Variants in POM121 observed in about 807,000 individuals in gnomAD.
POM121 encodes the protein nuclear envelope pore membrane protein POM 121.
Under a neutral mutation model 81.3 loss-of-function variants are expected in POM121, and 32 were observed. That is an observed-to-expected ratio of 0.39 (90% CI 0.30 to 0.53). The LOEUF (loss-of-function observed/expected upper bound fraction) is 0.53, where lower values mean the gene tolerates loss of function less well. Among genes scored for constraint, POM121 ranks in the 20% least tolerant of loss-of-function variants. The pLI is 0.66. For missense variants in POM121, 1,138 were observed against 1,614.6 expected, an observed-to-expected ratio of 0.70 and a Z score of 5.06; for synonymous variants, 514 against 694.2, an observed-to-expected ratio of 0.74 and a Z score of 4.08.
At chr7:72,884,745 G>T (rs1790539749) in intron 1 of POM121, among the ~76,000 whole-genome samples, 2 of 149,300 alleles carry the variant, frequency 1.3e-5, no homozygotes, top group South Asian at 4.2e-4. Flanking sequence ...ATATACGTGT[G>T]TGTATATATA....
intron 11 of POM121, among the ~76,000 whole-genome samples, chr7:72,944,411 A>T (rs1283666597): frequency 1.3e-5 from 2 of 151,936 alleles, no homozygotes; most frequent in African/African-American, 4.8e-5. Flanking sequence ...TAAAGTGTAT[A>T]AAAAAAGGGG....
Position 72,948,132 on chromosome 7 carries a change from A to C in POM121, c.*1898A>C, listed in dbSNP as rs2695383. On this transcript the variant is annotated 3_prime_UTR_variant, in exon 13 of 13. Transcript: ENST00000434423. ...GCCGGTCCGGGAACCCTGAGTGAGA[A>C]TGAGTGTGGATGTGTACAGTACACG... The C allele has an allele frequency of 3.6e-6, 5 of 1,402,450 alleles. No homozygotes were observed. The highest frequency in any genetic ancestry group is 2.6e-5 in the East Asian group (1 of 37,994). 86.9% of individuals were successfully genotyped at this position (1,402,450 alleles called of 1,614,324 possible).
chr7:72,929,419 A>G (rs1427570760), intron 4 of POM121, among the ~76,000 whole-genome samples: 19 of 152,364 alleles, frequency 1.2e-4, no homozygotes, highest in African/African-American at 4.3e-4. Flanking sequence ...ACTGTCCTAC[A>G]GAAAAGATGC....
chr7:72,930,276 G>A (rs1219155348), intron 5 of POM121, among the ~76,000 whole-genome samples, 165 bp downstream of exon 5: 4 of 152,186 alleles, frequency 2.6e-5, no homozygotes, highest in Non-Finnish European at 5.9e-5. Flanking sequence ...GCAATATAGT[G>A]AAACCTTGTC....
chr7:72,928,291 A>G (rs1795669407), intron 3 of POM121, 94 bp from the exon 4 acceptor site: 1 of 1,501,940 alleles, frequency 6.7e-7, no homozygotes, highest in Non-Finnish European at 9.2e-7. Context: ...TGTGCTCCAT[A>G]GAGATAGTAT....
chr7:72,891,276 T>C (rs1355029037), intron 3 of POM121, among the ~76,000 whole-genome samples: 1 of 152,154 alleles, frequency 6.6e-6, no homozygotes, highest in African/African-American at 2.4e-5. Context: ...ATTTTATATT[T>C]GATTTACATT....
chr7:72,928,520 A>G (rs1586155396), intron 4 of POM121, 55 bp downstream of exon 4: 1 of 1,573,648 alleles, frequency 6.4e-7, no homozygotes, highest in Admixed American at 1.7e-5. Flanking sequence ...AGGCCTGATC[A>G]GAGCTGTTGC....
At chr7:72,926,599 A>C (rs1349832347) in intron 2 of POM121, 122 bp downstream of exon 2, 22 of 1,515,652 alleles carry the variant, frequency 1.5e-5, no homozygotes, top group Non-Finnish European at 1.9e-5. Flanking sequence ...TTGATGAGAA[A>C]TACCAAATTC....
In POM121 at chr7:72,900,098, A is replaced by G. The variant is rs1312554688; in HGVS notation, c.-216+8988A>G. ...GTTGTGCCCTGTAGAATTATTTTTT[A>G]AAAGCTCACTAGGTGCTTCTGATTT... is the stretch of plus-strand genomic sequence containing the variant. On this transcript the variant is annotated intron_variant, in intron 3 of 15. Transcript: ENST00000395270. 2.0e-5 allele frequency among the ~76,000 whole-genome samples: 3 copies of G among 152,328 alleles called. No individual in the cohort carries two copies. In the East Asian group the frequency reaches 5.8e-4, roughly 29 times the overall value.
At chr7:72,886,187 AT>A (rs1423132316) in intron 1 of POM121, among the ~76,000 whole-genome samples, 1 of 151,022 alleles carries the variant, frequency 6.6e-6, no homozygotes. Context: ...TTATTTATTT[AT>A]TTTGAGACAG....
In POM121 at chr7:72,925,727, C is replaced by A; in HGVS notation, c.606C>A (p.Pro202=). 1.5e-6 allele frequency: 2 copies of A among 1,318,370 alleles called. No individual in the cohort carries two copies. The highest frequency in any genetic ancestry group is 1.9e-6 in the Non-Finnish European group (2 of 1,032,918). 81.7% of individuals were successfully genotyped at this position (1,318,370 alleles called of 1,614,324 possible). ...CTCACCACGTTTACCCCTCTCTGCCCACTCCTCTTCTCCGACCCTCCAGGA... is the reference window on the plus strand; with the variant it reads ...CTCACCACGTTTACCCCTCTCTGCCAACTCCTCTTCTCCGACCCTCCAGGA... ...HRAHHVYPSL[P]TPLLRPSRRP... Residue 202 remains proline (P), a synonymous_variant, in exon 1 of 13, where the codon CCC becomes CCA. Coordinates refer to ENST00000434423, the MANE Select transcript of POM121 (RefSeq NM_001387691.1).
In POM121 at chr7:72,939,940, C is replaced by T. The variant is rs1554500500; in HGVS notation, c.1535C>T (p.Pro512Leu). 1 of 1,607,228 alleles carries T rather than the reference C, an allele frequency of 6.2e-7. No homozygotes were observed. Residue 512 changes from proline to leucine, a missense_variant, in exon 8 of 13, where the codon CCT becomes CTT. Physicochemically the swap from Pro to Leu is moderately conservative, Grantham distance 98 (BLOSUM62 -3). Transcript: ENST00000434423. ...GQRKRKVQLL[P>L]SRRGEQLTLP... ...CGTAAGCGGAAAGTTCAGCTGCTGC[C>T]TTCTCGGCGAGGGGAACAGCTGACC...
upstream of POM121, chr7:72,924,935 A>T (rs1486567566): frequency 9.3e-7 from 1 of 1,077,860 alleles, no homozygotes; most frequent in African/African-American, 1.7e-5. Context: ...CCACGCGGAA[A>T]ACCTCAAGAG....
chr7:72,906,310 C>A (rs1218881660), intron 3 of POM121, among the ~76,000 whole-genome samples: 1 of 152,188 alleles, frequency 6.6e-6, no homozygotes, highest in Non-Finnish European at 1.5e-5. Flanking sequence ...ACCCATCGGA[C>A]CCACCAAGGT....
chr7:72,927,547 T>TA (rs1554497798), intron 3 of POM121, among the ~76,000 whole-genome samples: 1 of 151,804 alleles, frequency 6.6e-6, no homozygotes, highest in Non-Finnish European at 1.5e-5. Context: ...CCATCTCTAC[T>TA]AAAAATTCAA....
chr7:72,943,126 T>G lies in POM121; in HGVS notation c.3133T>G (p.Ser1045Ala), dbSNP rs1404984284. The G allele has an allele frequency of 6.2e-7, 1 of 1,612,988 alleles. No individual in the cohort carries two copies. The highest frequency in any genetic ancestry group is 1.3e-5 in the African/African-American group (1 of 74,926). The change falls in exon 11 of 13, where the codon TCG (serine) becomes GCG (alanine). Residue 1045 changes from serine to alanine, a missense_variant. Transcript: ENST00000434423. Reference protein sequence around the residue: ...HSAFGLKATASAFGAPASSQP... With the variant: ...HSAFGLKATAAAFGAPASSQP... The stretch of plus-strand genomic sequence containing the variant: ...GGCGTTTGGGTTGAAAGCCACGGCT[T>G]CGGCCTTCGGCGCTCCCGCCAGCTC...
At chr7:72,922,941 G>A (rs1230488914), upstream of POM121, among the ~76,000 whole-genome samples, 2 of 151,984 alleles carry the variant, frequency 1.3e-5, no homozygotes, top group Non-Finnish European at 2.9e-5. Context: ...TACTGACCTA[G>A]ACACTATGTT....
Position 72,899,725 on chromosome 7 carries a change from T to C in POM121, c.-216+8615T>C, listed in dbSNP as rs550454768. ...TCCCAAGTAGCTGGGACTACAGGCA[T>C]GTGCCACCACGCCCGGCTAATTTTT... On this transcript the variant is annotated intron_variant, in intron 3 of 15. Transcript: ENST00000395270. Among the ~76,000 whole-genome samples the C allele has an allele frequency of 5.1e-3, 782 of 152,026 alleles. 8 individuals carry two copies. The highest frequency in any genetic ancestry group is 0.018 in the African/African-American group (754 of 41,472).
In POM121 at chr7:72,938,574, C is replaced by T; in HGVS notation, c.1276-16C>T. 6.2e-7 allele frequency: 1 copy of T among 1,612,132 alleles called. No individual in the cohort carries two copies. Among genetic ancestry groups the T allele is most frequent in the Non-Finnish European group, 8.5e-7 (1 of 1,178,306 alleles). ...AAGTTATCAGCAGGCTCAGTCATGT[C>T]CCTCTTGATTTTTAGCTCTGGAAGA... On this transcript the variant is annotated splice_polypyrimidine_tract_variant and intron_variant, in intron 5 of 12. Transcript: ENST00000434423.
Sources: gnomAD v4.1 joint callset for allele counts (sites outside exome capture counted in the v4.1 genomes callset) on GRCh38, gnomAD v4.1.1 for gene constraint, MANE v1.5 for transcripts, NCBI Gene and HGNC (gene_info 2026-07-23, HGNC 2026-07-21) for gene names.